SVEP1: variants seen among roughly 807,000 people sequenced by gnomAD.
The protein encoded by SVEP1 is sushi, von Willebrand factor type A, EGF and pentraxin domain containing 1.
Under a neutral mutation model 367.3 loss-of-function variants are expected in SVEP1, and 164 were observed. The observed-to-expected ratio is 0.45, with a 90% CI of 0.39 to 0.51. The LOEUF (loss-of-function observed/expected upper bound fraction) is 0.51, where lower values mean the gene tolerates loss of function less well. Among genes scored for constraint, SVEP1 ranks in the 20% least tolerant of loss-of-function variants. SVEP1 has a pLI of 0.00. For synonymous variants in SVEP1, 1,666 were observed against 1,611.6 expected (o/e 1.03, Z -0.81); for missense variants, 4,117 against 4,425.3 (o/e 0.93, Z 1.98).
chr9:110,545,408 T>C (rs1830207711), intron 3 of SVEP1, among the ~76,000 whole-genome samples: 1 of 152,226 alleles, frequency 6.6e-6, no homozygotes, highest in Non-Finnish European at 1.5e-5. Flanking sequence ...TGCCTCTTTC[T>C]CTCCATCCTT....
At chr9:110,438,307 C>T (rs1330471367) in intron 27 of SVEP1, among the ~76,000 whole-genome samples, 4 of 151,392 alleles carry the variant, frequency 2.6e-5, no homozygotes, top group African/African-American at 9.7e-5. Flanking sequence ...ACGCCTCAGC[C>T]TCCCAAATAG....
chr9:110,509,713 A>G (rs1448745206), intron 5 of SVEP1, among the ~76,000 whole-genome samples: 1 of 152,188 alleles, frequency 6.6e-6, no homozygotes, highest in Non-Finnish European at 1.5e-5. Context: ...CAGGTCATCA[A>G]TGTATATACT....
At chr9:110,508,292 A>AT (rs34094977) in intron 5 of SVEP1, among the ~76,000 whole-genome samples, 158 of 149,600 alleles carry the variant, frequency 1.1e-3, no homozygotes, top group South Asian at 3.6e-3. Flanking sequence ...GACTAATCAG[A>AT]TTTTTTTTTT....
chr9:110,555,711 T>C (rs181392164), intron 1 of SVEP1, among the ~76,000 whole-genome samples: 1 of 151,992 alleles, frequency 6.6e-6, no homozygotes, highest in African/African-American at 2.4e-5. Flanking sequence ...ATAGCAAGAA[T>C]AGCAGGACTA....
rs759439724 is a variant in SVEP1 at position 110,443,563 on chromosome 9, C to G, written c.4621G>C (p.Val1541Leu). Residue 1541 changes from valine (V) to leucine (L), a missense_variant, in exon 27 of 48, where the codon GTT becomes CTT. By Grantham distance (32) the Val-to-Leu change is conservative. This residue lies in a region of SVEP1 where 2,174 missense variants were observed against 2,494.3 expected (regional missense o/e 0.87). Transcript: ENST00000374469. ...KLSDGGAGLS[V>L]GLPIPGGGAL... The stretch of plus-strand genomic sequence containing the variant: ...AACATACCAGGTATGGGCAAACCAA[C>G]AGAGAGGCCAGCACCACCGTCAGAT... 6.2e-7 allele frequency: 1 copy of G among 1,608,364 alleles called. No homozygotes were observed. The highest frequency in any genetic ancestry group is 2.2e-5 in the East Asian group (1 of 44,520).
intron 13 of SVEP1, among the ~76,000 whole-genome samples, chr9:110,477,419 C>T (rs1197688623): frequency 1.3e-5 from 2 of 152,210 alleles, no homozygotes. Context: ...CACACCTGTA[C>T]TACACAGTCA....
At chr9:110,496,758 T>G in intron 8 of SVEP1, 57 bp downstream of exon 8, 2 of 1,272,774 alleles carry the variant, frequency 1.6e-6, no homozygotes, top group Middle Eastern at 1.9e-4. Flanking sequence ...AACACACATA[T>G]CTGCAGTATA....
chr9:110,541,293 G>A (rs1484043178), intron 3 of SVEP1, among the ~76,000 whole-genome samples: 1 of 151,828 alleles, frequency 6.6e-6, no homozygotes, highest in Non-Finnish European at 1.5e-5. Context: ...ACTTGTCATT[G>A]ACCTGAAGCT....
At position 110,471,372 on chromosome 9, in the gene SVEP1, C is replaced by G. The variant is rs61732547; in HGVS notation, c.2990G>C (p.Arg997Pro). ...FCRPGSVLRG[R>P]MCVNCPLGTY... ...ACAGGGAACAGTCTTACCACACATA[C>G]GCCCTCTCAGCACTGAGCCTGGTCT... Residue 997 changes from arginine to proline, a missense_variant, in exon 16 of 48, where the codon CGT becomes CCT. Physicochemically the swap from Arg to Pro is moderately radical, Grantham distance 103. Coordinates refer to ENST00000374469, the MANE Select transcript of SVEP1 (RefSeq NM_153366.4). 1.8e-4 allele frequency: 296 copies of G among 1,613,580 alleles called. No individual in the cohort carries two copies. In the African/African-American group the frequency reaches 3.6e-3, roughly 20 times the overall value.
intron 1 of SVEP1, among the ~76,000 whole-genome samples, chr9:110,552,163 C>A (rs975129246): frequency 6.6e-6 from 1 of 151,254 alleles, no homozygotes; most frequent in Non-Finnish European, 1.5e-5. Flanking sequence ...TCCCGAGTAG[C>A]TGGGACTACA....
rs1358867899 is a variant in SVEP1, at chr9:110,465,888, G to A, written c.3299C>T (p.Ala1100Val). 1 of 1,612,984 alleles carries A rather than the reference G, an allele frequency of 6.2e-7. No homozygotes were observed. Among genetic ancestry groups the A allele is most frequent in the Admixed American group, 1.7e-5 (1 of 59,882 alleles). Residue 1100 changes from alanine (A) to valine (V), a missense_variant, in exon 18 of 48, where the codon GCC (alanine) becomes GTC (valine). Transcript: ENST00000374469. Reference sequence around the variant, plus strand: ...ACCTCCACATGCAGAAATGTTCACGGCTCCTCTTTTCACAGTTGAGGTGTT... The same window carrying A: ...ACCTCCACATGCAGAAATGTTCACGACTCCTCTTTTCACAGTTGAGGTGTT... ...PENTSTVKRG[A>V]VNISACGVPC...
At chr9:110,403,555 G>A (rs902636330) in intron 39 of SVEP1, among the ~76,000 whole-genome samples, 2 of 151,462 alleles carry the variant, frequency 1.3e-5, no homozygotes, top group South Asian at 2.1e-4. Flanking sequence ...CATCCACCTC[G>A]GCCTCCCAAA....
intron 19 of SVEP1, 42 bp downstream of exon 19, chr9:110,458,910 A>T (rs769153141): frequency 6.3e-7 from 1 of 1,585,028 alleles, no homozygotes; most frequent in Non-Finnish European, 8.6e-7. Flanking sequence ...GGAAAAGTAA[A>T]TGTCCAACAT....
chr9:110,566,966 A>G (rs1176811444), intron 1 of SVEP1, among the ~76,000 whole-genome samples: 2 of 152,218 alleles, frequency 1.3e-5, no homozygotes, highest in East Asian at 1.9e-4. Context: ...CTCTCGGGAA[A>G]GTGATCTGAA....
chr9:110,451,311 G>A lies in SVEP1; in HGVS notation c.3879C>T (p.Cys1293=), dbSNP rs1396920015. The change falls in exon 23 of 48, where the codon TGC becomes TGT. Residue 1293 remains cysteine (C), a synonymous_variant. Coordinates refer to ENST00000374469, the MANE Select transcript of SVEP1 (RefSeq NM_153366.4). ...ICVDGVAGYR[C]TCVKGFVGLH... ...TACCTACAAATCCTTTCACACATGT[G>A]CAACGATAGCCAGCCACACCATCAA... The A allele has an allele frequency of 6.2e-7, 1 of 1,613,664 alleles. No individual in the cohort carries two copies. Among genetic ancestry groups the A allele is most frequent in the Admixed American group, 1.7e-5 (1 of 59,986 alleles).
rs745814421 is a variant in SVEP1 at position 110,512,972 on chromosome 9, T to G, written c.1257A>C (p.Leu419Phe). 6.2e-7 allele frequency: 1 copy of G among 1,613,982 alleles called. No homozygotes were observed. Among genetic ancestry groups the G allele is most frequent in the Non-Finnish European group, 8.5e-7 (1 of 1,179,880 alleles). Residue 419 changes from leucine (L) to phenylalanine (F), a missense_variant, in exon 5 of 48, where the codon TTA becomes TTC. Leu to Phe is a conservative substitution (Grantham distance 22). Transcript: ENST00000374469. ...GFDLVGSSII[L>F]CLPNGLWSGS... ...CGGACCACAAACCATTGGGTAGACA[T>G]AAGATGATGCTGCTTCCCACAAGAT... is the stretch of plus-strand genomic sequence containing the variant.
intron 18 of SVEP1, among the ~76,000 whole-genome samples, chr9:110,461,397 C>A (rs888915341): frequency 1.6e-4 from 25 of 152,124 alleles, no homozygotes; most frequent in African/African-American, 5.6e-4. Flanking sequence ...GACTTGTCTG[C>A]ATAAATGTAA....
At chr9:110,379,269 A>T in intron 44 of SVEP1, 78 bp downstream of exon 44, 1 of 1,481,600 alleles carries the variant, frequency 6.7e-7, no homozygotes, top group Non-Finnish European at 9.1e-7. Context: ...TATGCATATT[A>T]ATTGCTGGAC....
chr9:110,540,335 T>C (rs1403419628), intron 3 of SVEP1, among the ~76,000 whole-genome samples: 1 of 152,070 alleles, frequency 6.6e-6, no homozygotes, highest in Non-Finnish European at 1.5e-5. Flanking sequence ...CAGAATAATA[T>C]TTTCTCCATC....
Sources: gnomAD v4.1 joint callset for allele counts (sites outside exome capture counted in the v4.1 genomes callset) on GRCh38, gnomAD v4.1.1 for gene constraint, gnomAD v4.1.1 regional missense constraint, MANE v1.5 for transcripts, NCBI Gene and HGNC (gene_info 2026-07-23, HGNC 2026-07-21) for gene names.